The following TLN2 variants were observed in gnomAD, a reference collection of about 807,000 sequenced individuals.
TLN2 encodes the protein talin-2.
In TLN2, 118 loss-of-function variants were observed where a neutral mutation model predicts 294.7. That is an observed-to-expected ratio of 0.40 (90% CI 0.34 to 0.47). TLN2 has a LOEUF of 0.47. TLN2 is among the 20% of genes least tolerant of loss of function. The probability of loss-of-function intolerance (pLI) is 0.84; values close to 1 mark genes in which losing one functional copy is unlikely to be tolerated. For missense variants in TLN2, 3,083 were observed against 3,282.2 expected, an observed-to-expected ratio of 0.94 and a Z score of 1.48; for synonymous variants, 1,431 against 1,304.5, an observed-to-expected ratio of 1.10 and a Z score of -2.09.
At position 62,438,793 on chromosome 15, in the gene TLN2, G is replaced by A. The variant is rs115233729; in HGVS notation, c.-238+48108G>A. 2.3e-3 allele frequency among the ~76,000 whole-genome samples: 356 copies of A among 152,310 alleles called. 2 individuals carry two copies. The highest frequency in any genetic ancestry group is 8.3e-3 in the African/African-American group (344 of 41,572). On this transcript the variant is annotated intron_variant, in intron 1 of 58. Transcript: ENST00000636159. ...ATGATATGCCTGGACCAGGACAGATGCTCAGGTGATCCCAAGGACCTAGGG... is the reference window on the plus strand; with the variant it reads ...ATGATATGCCTGGACCAGGACAGATACTCAGGTGATCCCAAGGACCTAGGG...
intron 51 of TLN2, among the ~76,000 whole-genome samples, chr15:62,806,700 A>T (rs533570093): frequency 6.6e-6 from 1 of 152,108 alleles, no homozygotes; most frequent in African/African-American, 2.4e-5. Context: ...AGGAAAGTGA[A>T]CTATAAGAGC....
intron 11 of TLN2, among the ~76,000 whole-genome samples, chr15:62,684,780 G>T (rs75780050): frequency 6.6e-6 from 1 of 151,710 alleles, no homozygotes; most frequent in Non-Finnish European, 1.5e-5. Context: ...ACTCACCACT[G>T]TTGGCTTTGG....
At chr15:62,593,250 C>G (rs915568860) in intron 2 of TLN2, among the ~76,000 whole-genome samples, 1 of 152,164 alleles carries the variant, frequency 6.6e-6, no homozygotes, top group Non-Finnish European at 1.5e-5. Context: ...TTGGATTATG[C>G]TTCTTGATGA....
intron 1 of TLN2, among the ~76,000 whole-genome samples, chr15:62,508,205 T>A (rs544737165): frequency 1.6e-4 from 25 of 152,176 alleles, no homozygotes; most frequent in East Asian, 1.2e-3. Context: ...GATGATTTTT[T>A]AAAATTATTT....
chr15:62,605,009 T>C (rs1253798121), intron 2 of TLN2, among the ~76,000 whole-genome samples: 1 of 152,170 alleles, frequency 6.6e-6, no homozygotes, highest in Non-Finnish European at 1.5e-5. Context: ...ATTTGCAGGC[T>C]AACTGTTGAA....
At chr15:62,837,706 A>G (rs1395549022) in intron 57 of TLN2, among the ~76,000 whole-genome samples, 1 of 152,208 alleles carries the variant, frequency 6.6e-6, no homozygotes, top group Non-Finnish European at 1.5e-5. Context: ...CCTTGGTTTC[A>G]CATCAGAAAA....
chr15:62,713,512 C>T (rs556049494), intron 22 of TLN2, among the ~76,000 whole-genome samples: 1 of 151,840 alleles, frequency 6.6e-6, no homozygotes, highest in Non-Finnish European at 1.5e-5. Context: ...AACCCTGTCT[C>T]TACTAAAAAT....
intron 14 of TLN2, among the ~76,000 whole-genome samples, chr15:62,695,527 A>G (rs1391291117): frequency 6.6e-6 from 1 of 152,230 alleles, no homozygotes; most frequent in African/African-American, 2.4e-5. Context: ...CAGGACTCAG[A>G]TTCAGATCTT....
At chr15:62,582,219 C>CACACACACACACAA in intron 1 of TLN2, among the ~76,000 whole-genome samples, 1 of 135,390 alleles carries the variant, frequency 7.4e-6, no homozygotes, top group Non-Finnish European at 1.6e-5. Context: ...CACACACACA[C>CACACACACACACAA]ACACACACAC....
intron 1 of TLN2, among the ~76,000 whole-genome samples, chr15:62,463,543 A>G (rs973134279): frequency 1.3e-5 from 2 of 152,188 alleles, no homozygotes; most frequent in Non-Finnish European, 2.9e-5. Context: ...TGTAAATGAA[A>G]ACCACAATGA....
chr15:62,705,094 T>G (rs2058973362), intron 19 of TLN2, among the ~76,000 whole-genome samples: 1 of 152,232 alleles, frequency 6.6e-6, no homozygotes, highest in African/African-American at 2.4e-5. Flanking sequence ...TTATTTTCAT[T>G]GTGTGTGAAT....
At chr15:62,626,407 C>T (rs1392779164) in intron 3 of TLN2, among the ~76,000 whole-genome samples, 9 of 152,184 alleles carry the variant, frequency 5.9e-5, no homozygotes, top group Non-Finnish European at 1.3e-4. Flanking sequence ...ATCTCTTGCT[C>T]CCTGGAATAT....
intron 1 of TLN2, among the ~76,000 whole-genome samples, chr15:62,525,304 A>G (rs1378607637): frequency 6.6e-6 from 1 of 152,236 alleles, no homozygotes; most frequent in Non-Finnish European, 1.5e-5. Flanking sequence ...AAATGTTCTC[A>G]GATCTCCCTG....
At chr15:62,483,536 T>A (rs1426809915) in intron 1 of TLN2, among the ~76,000 whole-genome samples, 1 of 152,230 alleles carries the variant, frequency 6.6e-6, no homozygotes, top group Non-Finnish European at 1.5e-5. Flanking sequence ...GTATGTGAAA[T>A]GCAAATCATC....
At chr15:62,474,886 A>G (rs1175762691) in intron 1 of TLN2, among the ~76,000 whole-genome samples, 2 of 150,470 alleles carry the variant, frequency 1.3e-5, no homozygotes, top group Non-Finnish European at 1.5e-5. Context: ...TCTGCATCTC[A>G]CTCTCTTGAC....
At chr15:62,508,099 T>C (rs748164311) in intron 1 of TLN2, among the ~76,000 whole-genome samples, 1 of 152,188 alleles carries the variant, frequency 6.6e-6, no homozygotes, top group Non-Finnish European at 1.5e-5. Context: ...TTAATTGATA[T>C]ATTTGGTAGA....
intron 1 of TLN2, among the ~76,000 whole-genome samples, chr15:62,493,342 T>G (rs1014992090): frequency 3.3e-5 from 5 of 152,122 alleles, no homozygotes; most frequent in African/African-American, 1.2e-4. Context: ...GGCCTCAGTT[T>G]CCTCACGTGT....
chr15:62,619,524 C>T (rs1042882948), intron 3 of TLN2, among the ~76,000 whole-genome samples: 1 of 152,170 alleles, frequency 6.6e-6, no homozygotes, highest in Non-Finnish European at 1.5e-5. Context: ...CCACCTGCCC[C>T]CCTGCCAAAA....
Position 62,771,152 on chromosome 15 carries a change from G to A in TLN2, c.5367+18G>A, listed in dbSNP as rs764429817. On this transcript the variant is annotated intron_variant, in intron 42 of 58. Transcript: ENST00000636159. ...ACCCCAAGGTATGGTCCAGGATATCGGGGACTCACTTAGGACCACTAAGAA... is the reference window on the plus strand; with the variant it reads ...ACCCCAAGGTATGGTCCAGGATATCAGGGACTCACTTAGGACCACTAAGAA... 3.6e-5 allele frequency: 58 copies of A among 1,592,636 alleles called. No individual in the cohort carries two copies. Among genetic ancestry groups the A allele is most frequent in the Non-Finnish European group, 4.5e-5 (52 of 1,166,408 alleles).
Sources: allele counts gnomAD v4.1 joint callset (sites outside exome capture counted in the v4.1 genomes callset), GRCh38; gene constraint gnomAD v4.1.1; transcripts MANE v1.5; gene names NCBI Gene and HGNC (gene_info 2026-07-23, HGNC 2026-07-21).